PHKB: variants seen among roughly 807,000 people sequenced by gnomAD.
PHKB encodes phosphorylase b kinase regulatory subunit beta.
PHKB carries 122 observed loss-of-function variants against 152.1 expected under a neutral mutation model. That is an observed-to-expected ratio of 0.80 (90% CI 0.69 to 0.93). The LOEUF (loss-of-function observed/expected upper bound fraction) is 0.93, where lower values mean the gene tolerates loss of function less well. Among genes scored for constraint, PHKB ranks in the 40% least tolerant of loss-of-function variants. The pLI is 0.00. For missense variants in PHKB, 1,304 were observed against 1,328.4 expected, an observed-to-expected ratio of 0.98 and a Z score of 0.29; for synonymous variants, 436 against 464.9, an observed-to-expected ratio of 0.94 and a Z score of 0.80.
chr16:47,481,107 T>A (rs1969956556), intron 1 of PHKB, among the ~76,000 whole-genome samples: 1 of 152,224 alleles, frequency 6.6e-6, no homozygotes, highest in Admixed American at 6.5e-5. Context: ...GAGTTTGCTT[T>A]GTCTCCCACA....
intron 7 of PHKB, among the ~76,000 whole-genome samples, chr16:47,549,361 C>T (rs563015335): frequency 1.4e-4 from 21 of 152,146 alleles, no homozygotes; most frequent in East Asian, 1.2e-3. Flanking sequence ...ATATTTTCAG[C>T]GTGAAATATT....
intron 14 of PHKB, among the ~76,000 whole-genome samples, chr16:47,637,353 C>T (rs910619540): frequency 1.3e-5 from 2 of 152,174 alleles, no homozygotes; most frequent in African/African-American, 2.4e-5. Flanking sequence ...GGCTGAAACA[C>T]GCACCCCCCA....
intron 6 of PHKB, among the ~76,000 whole-genome samples, chr16:47,542,301 G>C (rs1372781452): frequency 1.3e-5 from 2 of 152,128 alleles, no homozygotes; most frequent in African/African-American, 4.8e-5. Flanking sequence ...TCAAAGATCA[G>C]ATGGTTGTAG....
At chr16:47,616,488 A>G (rs980918061) in intron 14 of PHKB, among the ~76,000 whole-genome samples, 1 of 146,190 alleles carries the variant, frequency 6.8e-6, no homozygotes, top group African/African-American at 2.5e-5. Context: ...CAATTAATAT[A>G]TATTTTATAT....
rs34841624 is a variant in PHKB at position 47,537,872 on chromosome 16, T to TTCTCTC, written c.595-9535_595-9530dup. 6.0e-3 allele frequency among the ~76,000 whole-genome samples: 855 copies of TTCTCTC among 143,478 alleles called. 9 individuals carry two copies. Among genetic ancestry groups the TTCTCTC allele is most frequent in the African/African-American group, 0.02 (778 of 38,938 alleles). 94.1% of individuals were successfully genotyped at this position (143,478 alleles called of 152,430 possible). ...AGGTATTGTAAACATACGTGGAAAA[T>TTCTCTC]TCTCTCTCTCTCTCTCTCTCTCTCT... On this transcript the variant is annotated intron_variant, in intron 6 of 30. Transcript: ENST00000323584.
intron 14 of PHKB, among the ~76,000 whole-genome samples, chr16:47,631,953 T>G (rs9930900): frequency 0.013 from 1,940 of 152,296 alleles, 51 homozygotes; most frequent in African/African-American, 0.044. Flanking sequence ...TCAGTGTGGC[T>G]ATTCCTCAAG....
intron 1 of PHKB, among the ~76,000 whole-genome samples, chr16:47,492,519 T>C (rs2151639388): frequency 6.6e-6 from 1 of 152,334 alleles, no homozygotes; most frequent in South Asian, 2.1e-4. Flanking sequence ...ACTTCATTAC[T>C]GTTCAAGGGA....
intron 7 of PHKB, among the ~76,000 whole-genome samples, chr16:47,551,138 T>A (rs1971263387): frequency 6.6e-6 from 1 of 152,166 alleles, no homozygotes; most frequent in South Asian, 2.1e-4. Flanking sequence ...TAGTGGTCTA[T>A]TTCGTTAATC....
At chr16:47,519,867 G>T (rs1006220668) in intron 6 of PHKB, among the ~76,000 whole-genome samples, 1 of 152,016 alleles carries the variant, frequency 6.6e-6, no homozygotes, top group Non-Finnish European at 1.5e-5. Flanking sequence ...TGTACACTAA[G>T]ACTTTTATTT....
chr16:47,475,338 T>G (rs957220495), intron 1 of PHKB, among the ~76,000 whole-genome samples: 2 of 152,212 alleles, frequency 1.3e-5, no homozygotes, highest in African/African-American at 4.8e-5. Context: ...TCTAGCATGC[T>G]TTTTCTTTCT....
chr16:47,565,247 G>C, intron 7 of PHKB: 3 of 692,330 alleles, frequency 4.3e-6, no homozygotes, highest in Non-Finnish European at 8.2e-6. Context: ...ATCTGACTCC[G>C]TTCAGTGGTC....
At chr16:47,664,012 C>T (rs1017072088) in intron 24 of PHKB, 3 of 461,200 alleles carry the variant, frequency 6.5e-6, no homozygotes, top group Admixed American at 3.7e-5. Flanking sequence ...ACCTCCTCTG[C>T]CCCAACAAGG....
chr16:47,543,885 A>G (rs1340357083), intron 6 of PHKB, among the ~76,000 whole-genome samples: 5 of 151,942 alleles, frequency 3.3e-5, no homozygotes, highest in African/African-American at 4.8e-5. Context: ...TCTTACATCT[A>G]TTTTTTACAT....
In PHKB at chr16:47,652,894, C is replaced by T. The variant is rs535837301; in HGVS notation, c.1971+1973C>T. Among the ~76,000 whole-genome samples the T allele has an allele frequency of 7.9e-5, 12 of 152,260 alleles. No individual in the cohort carries two copies. The East Asian group carries it at 2.3e-3, about 29-fold the overall frequency. On this transcript the variant is annotated intron_variant, in intron 20 of 30. Transcript: ENST00000323584. ...CTGGGCTCAAGTGATCCTCCTGTCT[C>T]GGCCTCCCGAAGTGCTAGGATTACA...
chr16:47,621,175 G>T (rs948553535), intron 14 of PHKB, among the ~76,000 whole-genome samples: 8 of 152,246 alleles, frequency 5.3e-5, no homozygotes, highest in African/African-American at 1.9e-4. Flanking sequence ...CCCTTCCAGC[G>T]CTTCTGTTGC....
intron 6 of PHKB, among the ~76,000 whole-genome samples, chr16:47,532,194 TGAA>T (rs1970873037): frequency 6.6e-6 from 1 of 152,226 alleles, no homozygotes; most frequent in Non-Finnish European, 1.5e-5. Context: ...TACTTATCAG[TGAA>T]GGATACAAAG....
At chr16:47,545,423 C>T (rs1485471537) in intron 6 of PHKB, among the ~76,000 whole-genome samples, 1 of 152,208 alleles carries the variant, frequency 6.6e-6, no homozygotes, top group Non-Finnish European at 1.5e-5. Flanking sequence ...TATTGGCCCC[C>T]ACTCTCTTCT....
At chr16:47,610,405 G>C (rs1323944882) in intron 13 of PHKB, among the ~76,000 whole-genome samples, 1 of 151,750 alleles carries the variant, frequency 6.6e-6, no homozygotes, top group African/African-American at 2.4e-5. Context: ...TTTTCTCTGA[G>C]CATTGTTTTA....
intron 10 of PHKB, 120 bp from the exon 11 acceptor site, chr16:47,593,380 C>A: frequency 1.5e-6 from 1 of 650,662 alleles, no homozygotes; most frequent in Non-Finnish European, 2.8e-6. Flanking sequence ...GGCAAGGCTG[C>A]AGAGAGCCGT....
Sources: gnomAD v4.1 joint callset for allele counts (sites outside exome capture counted in the v4.1 genomes callset) on GRCh38, gnomAD v4.1.1 for gene constraint, MANE v1.5 for transcripts, NCBI Gene and HGNC (gene_info 2026-07-23, HGNC 2026-07-21) for gene names.